Variants in CFAP206 observed in about 807,000 individuals in gnomAD.
The protein encoded by CFAP206 is cilia and flagella associated protein 206, also known as cilia- and flagella-associated protein 206.
Under a neutral mutation model 65.4 loss-of-function variants are expected in CFAP206, and 53 were observed. That is an observed-to-expected ratio of 0.81 (90% CI 0.65 to 1.02). The LOEUF is 1.02. CFAP206 is among the 50% of genes least tolerant of loss of function. The pLI is 0.00. For missense variants in CFAP206, 663 were observed against 753.2 expected (o/e 0.88, Z 1.40); for synonymous variants, 250 against 254.4 (o/e 0.98, Z 0.17).
In CFAP206 at chr6:87,410,768, G is replaced by A. The variant is rs1582130392; in HGVS notation, c.192+100G>A. Reference sequence around the variant, plus strand: ...TTGCCTTCAGCTGCATGAAACAAAAGCCCACAAAATAGTAGTATACACGAG... The same window carrying A: ...TTGCCTTCAGCTGCATGAAACAAAAACCCACAAAATAGTAGTATACACGAG... On this transcript the variant is annotated intron_variant, in intron 3 of 12. Coordinates refer to ENST00000369562, the MANE Select transcript of CFAP206 (RefSeq NM_001031743.3). The A allele has an allele frequency of 5.3e-6, 5 of 942,348 alleles. No individual in the cohort carries two copies. In the East Asian group the frequency reaches 1.2e-4, roughly 23 times the overall value. 58.4% of individuals were successfully genotyped at this position (942,348 alleles called of 1,614,324 possible). A position where few individuals can be genotyped will look rare whatever the true frequency, so the allele number is the denominator to read the frequency against.
At chr6:87,439,850 A>T (rs956769177) in intron 11 of CFAP206, among the ~76,000 whole-genome samples, 2 of 151,808 alleles carry the variant, frequency 1.3e-5, no homozygotes, top group East Asian at 3.9e-4. Flanking sequence ...TTAGTTTTGC[A>T]CTCTCTATTA....
intron 9 of CFAP206, among the ~76,000 whole-genome samples, chr6:87,429,603 A>G (rs947686567): frequency 1.3e-5 from 2 of 152,204 alleles, no homozygotes; most frequent in East Asian, 1.9e-4. Flanking sequence ...CAGAAAAACA[A>G]TCTTTATCAA....
rs563231792 is a variant in CFAP206 at position 87,428,701 on chromosome 6, T to A, written c.1036T>A (p.Leu346Ile). Residue 346 changes from leucine (L) to isoleucine (I), a missense_variant, in exon 9 of 13, where the codon TTA (leucine) becomes ATA (isoleucine). Transcript: ENST00000369562. ...TATTGTGGTTGGTGTCCTCAGTAAT[T>A]TATTCACTCACATTCAGCCATTCTT... ...ETIVVGVLSN[L>I]FTHIQPFLGA... 9 of 1,614,190 alleles carry A rather than the reference T, an allele frequency of 5.6e-6. No individual in the cohort carries two copies. The South Asian group carries it at 9.9e-5, about 18-fold the overall frequency.
Position 87,413,858 on chromosome 6 carries a change from A to C in CFAP206, c.241A>C (p.Ile81Leu). The stretch of plus-strand genomic sequence containing the variant: ...TACTAAAAATCCATCCCTGGACACT[A>C]TTAAGATGCAAGTCTACTTCGATAT... ...LDTKNPSLDTIKMQVYFDMNY... is the reference protein window; with the variant it reads ...LDTKNPSLDTLKMQVYFDMNY... The change falls in exon 4 of 13, where the codon ATT (isoleucine) becomes CTT (leucine). Residue 81 changes from isoleucine to leucine, a missense_variant. Transcript: ENST00000369562. 2 of 1,560,290 alleles carry C rather than the reference A, an allele frequency of 1.3e-6. No individual in the cohort carries two copies. Among genetic ancestry groups the C allele is most frequent in the Non-Finnish European group, 1.7e-6 (2 of 1,161,400 alleles).
chr6:87,464,064 T>C lies in CFAP206; in HGVS notation c.1683T>C (p.Leu561=). Residue 561 remains leucine (L), a synonymous_variant, in exon 13 of 13, where the codon CTT becomes CTC. Coordinates refer to ENST00000369562, the MANE Select transcript of CFAP206 (RefSeq NM_001031743.3). ...QKVTHSVQTD[L]SHLRRENCSQ... is the part of the protein sequence containing the mutation. Reference sequence around the variant, plus strand: ...TTACTCACTCAGTACAAACTGATCTTAGTCACTTGAGAAGAGAAAATTGTT... The same window carrying C: ...TTACTCACTCAGTACAAACTGATCTCAGTCACTTGAGAAGAGAAAATTGTT... 6.2e-7 allele frequency: 1 copy of C among 1,614,120 alleles called. No individual in the cohort carries two copies. Among genetic ancestry groups the C allele is most frequent in the Non-Finnish European group, 8.5e-7 (1 of 1,179,952 alleles).
chr6:87,413,141 G>C (rs970559307), intron 3 of CFAP206, among the ~76,000 whole-genome samples: 9 of 152,108 alleles, frequency 5.9e-5, no homozygotes, highest in Non-Finnish European at 1.3e-4. Flanking sequence ...CTAGCCACCT[G>C]GCATGATGAT....
intron 10 of CFAP206, among the ~76,000 whole-genome samples, 195 bp downstream of exon 10, chr6:87,431,368 A>G (rs1247654954): frequency 6.6e-6 from 1 of 152,254 alleles, no homozygotes; most frequent in South Asian, 2.1e-4. Flanking sequence ...GCAAGAAATT[A>G]TAAGTGATTA....
chr6:87,448,359 A>C (rs994594571), intron 11 of CFAP206, among the ~76,000 whole-genome samples: 4 of 151,992 alleles, frequency 2.6e-5, no homozygotes, highest in African/African-American at 9.7e-5. Flanking sequence ...TGTGCCCTTA[A>C]TTTTTAAAGA....
chr6:87,424,356 T>C (rs1768001513), intron 7 of CFAP206, among the ~76,000 whole-genome samples: 1 of 152,168 alleles, frequency 6.6e-6, no homozygotes, highest in African/African-American at 2.4e-5. Flanking sequence ...CTTGGCTCAC[T>C]GCAACCTCCG....
At chr6:87,428,513 C>A in intron 8 of CFAP206, 113 bp from the exon 9 acceptor site, 1 of 954,192 alleles carries the variant, frequency 1.0e-6, no homozygotes, top group Non-Finnish European at 1.6e-6. Flanking sequence ...AAGACTTTTG[C>A]TTAGGGAGAA....
chr6:87,458,306 C>T (rs1316280679), intron 11 of CFAP206, among the ~76,000 whole-genome samples: 2 of 152,076 alleles, frequency 1.3e-5, no homozygotes, highest in Non-Finnish European at 2.9e-5. Context: ...ATCCTGCAAT[C>T]CCACTGCTAG....
At chr6:87,444,889 G>T (rs1768418198) in intron 11 of CFAP206, 4 of 545,444 alleles carry the variant, frequency 7.3e-6, no homozygotes, top group South Asian at 5.5e-5. Flanking sequence ...GTCTGTGTGT[G>T]AAAAGCGCTT....
At chr6:87,424,074 T>C (rs1220857126) in intron 7 of CFAP206, among the ~76,000 whole-genome samples, 2 of 152,188 alleles carry the variant, frequency 1.3e-5, no homozygotes, top group Non-Finnish European at 2.9e-5. Flanking sequence ...TGGTGACATC[T>C]TGGGCAACAC....
At chr6:87,409,025 T>C (rs1257422526) in intron 1 of CFAP206, among the ~76,000 whole-genome samples, 1 of 151,958 alleles carries the variant, frequency 6.6e-6, no homozygotes, top group Non-Finnish European at 1.5e-5. Flanking sequence ...TAAATGCTTT[T>C]TTTTATCGAG....
At chr6:87,415,950 G>T in intron 5 of CFAP206, 76 bp downstream of exon 5, 1 of 1,071,258 alleles carries the variant, frequency 9.3e-7, no homozygotes, top group Non-Finnish European at 1.2e-6. Context: ...TGTTAAATTA[G>T]AAGTGTTAAA....
At chr6:87,422,821 G>A (rs537498216) in intron 7 of CFAP206, among the ~76,000 whole-genome samples, 10 of 151,950 alleles carry the variant, frequency 6.6e-5, no homozygotes, top group Non-Finnish European at 1.2e-4. Flanking sequence ...TTAGTAAAAT[G>A]TAAGTAGAGT....
At chr6:87,450,556 C>G (rs1203591632) in intron 11 of CFAP206, among the ~76,000 whole-genome samples, 2 of 120,418 alleles carry the variant, frequency 1.7e-5, no homozygotes, top group Non-Finnish European at 3.3e-5. Context: ...CAAAAAGTCT[C>G]AAAGCTACTT....
intron 11 of CFAP206, among the ~76,000 whole-genome samples, chr6:87,459,819 A>T (rs1239455042): frequency 6.6e-6 from 1 of 152,212 alleles, no homozygotes; most frequent in East Asian, 1.9e-4. Flanking sequence ...TATGTGGATA[A>T]TGCCTCGTTT....
chr6:87,463,192 C>T (rs1285535660), intron 12 of CFAP206, among the ~76,000 whole-genome samples: 1 of 152,290 alleles, frequency 6.6e-6, no homozygotes, highest in East Asian at 1.9e-4. Context: ...ACACATCTCT[C>T]AGGTACTACT....
Sources: gnomAD v4.1 joint callset for allele counts (sites outside exome capture counted in the v4.1 genomes callset) on GRCh38, gnomAD v4.1.1 for gene constraint, MANE v1.5 for transcripts, NCBI Gene and HGNC (gene_info 2026-07-23, HGNC 2026-07-21) for gene names.